The following HABP2 variants were observed in gnomAD, a reference collection of about 807,000 sequenced individuals.
HABP2 encodes factor VII-activating protease.
HABP2 carries 65 observed loss-of-function variants against 66.5 expected under a neutral mutation model. That is an observed-to-expected ratio of 0.98 (90% CI 0.80 to 1.20). The LOEUF is 1.20. HABP2 is among the 50% of genes most tolerant of loss of function. HABP2 has a pLI of 0.00. For synonymous variants in HABP2, 263 were observed against 253.9 expected, an observed-to-expected ratio of 1.04 and a Z score of -0.34; for missense variants, 786 against 691.0, an observed-to-expected ratio of 1.14 and a Z score of -1.54.
chr10:113,558,251 C>T (rs1845036327), intron 1 of HABP2, among the ~76,000 whole-genome samples: 1 of 152,256 alleles, frequency 6.6e-6, no homozygotes, highest in Non-Finnish European at 1.5e-5. Context: ...AAACTTCAGT[C>T]ATGAATGAAG....
chr10:113,574,215 T>A, intron 2 of HABP2, 74 bp from the exon 3 acceptor site: 1 of 772,022 alleles, frequency 1.3e-6, no homozygotes, highest in Non-Finnish European at 2.3e-6. Flanking sequence ...GGAAAAGGTG[T>A]CCAACTAAAT....
At position 113,577,273 on chromosome 10, in the gene HABP2, G is replaced by A. The variant is rs1308756862; in HGVS notation, c.448+7G>A. 7.0e-7 allele frequency: 1 copy of A among 1,434,760 alleles called. No homozygotes were observed. Among genetic ancestry groups the A allele is most frequent in the South Asian group, 1.1e-5 (1 of 87,560 alleles). The allele number at this position is 1,434,760 out of a possible 1,614,324, so 88.9% of individuals were successfully genotyped here. On this transcript the variant is annotated splice_region_variant and intron_variant, in intron 5 of 12. Coordinates refer to ENST00000351270, the MANE Select transcript of HABP2 (RefSeq NM_004132.5). The stretch of plus-strand genomic sequence containing the variant: ...GGTCCCAGCTGCTCCCAAGGTAAGT[G>A]GTGGAGGCCCCTTCGACGCTAGACT...
chr10:113,588,800 G>T lies in HABP2; in HGVS notation c.*431G>T. 1.6e-6 allele frequency: 1 copy of T among 615,048 alleles called. No individual in the cohort carries two copies. The allele number at this position is 615,048 out of a possible 1,614,324, so 38.1% of individuals were successfully genotyped here. On this transcript the variant is annotated 3_prime_UTR_variant, in exon 13 of 13. Coordinates refer to ENST00000351270, the MANE Select transcript of HABP2 (RefSeq NM_004132.5). ...ATCAGCCATCCACGTCTAGGTATCA[G>T]AGAGGACCACAAATACAACATTCTC...
chr10:113,567,215 C>T (rs955865782), intron 1 of HABP2, among the ~76,000 whole-genome samples: 18 of 152,268 alleles, frequency 1.2e-4, no homozygotes, highest in African/African-American at 4.1e-4. Flanking sequence ...CAGCCGTGTT[C>T]CAAAGCAAGG....
intron 2 of HABP2, among the ~76,000 whole-genome samples, chr10:113,571,967 A>G (rs11575731): frequency 0.018 from 2,667 of 152,350 alleles, 82 homozygotes; most frequent in African/African-American, 0.061. Context: ...GTTTAATCCT[A>G]GAAGTGGAGA....
At chr10:113,583,854 C>A (rs544014311) in intron 10 of HABP2, among the ~76,000 whole-genome samples, 4 of 152,318 alleles carry the variant, frequency 2.6e-5, no homozygotes, top group East Asian at 1.9e-4. Flanking sequence ...GACACCCCCC[C>A]ACCTCTCTCT....
At position 113,567,543 on chromosome 10, in the gene HABP2, C is replaced by T. The variant is rs1469582860; in HGVS notation, c.106+18C>T. 1.9e-6 allele frequency: 3 copies of T among 1,590,778 alleles called. No homozygotes were observed. The highest frequency in any genetic ancestry group is 1.3e-5 in the African/African-American group (1 of 74,608). ...GGACCCAGGTAAGTGTGCTGATCTCCCTGGGGCTTCCCACCAATCCCAGGC... is the reference window on the plus strand; with the variant it reads ...GGACCCAGGTAAGTGTGCTGATCTCTCTGGGGCTTCCCACCAATCCCAGGC... On this transcript the variant is annotated intron_variant, in intron 2 of 12. Transcript: ENST00000351270.
At chr10:113,569,125 G>A (rs1845255658) in intron 2 of HABP2, among the ~76,000 whole-genome samples, 1 of 152,214 alleles carries the variant, frequency 6.6e-6, no homozygotes, top group African/African-American at 2.4e-5. Flanking sequence ...GGGCCACTGG[G>A]CTCTCAGGAG....
At chr10:113,587,967 C>T (rs972523203) in intron 12 of HABP2, among the ~76,000 whole-genome samples, 5 of 151,826 alleles carry the variant, frequency 3.3e-5, no homozygotes, top group Non-Finnish European at 5.9e-5. Context: ...TGCAGCTGTG[C>T]GGCTCCTCTG....
intron 1 of HABP2, among the ~76,000 whole-genome samples, chr10:113,567,086 T>C (rs143757265): frequency 7.2e-5 from 11 of 152,288 alleles, no homozygotes; most frequent in Non-Finnish European, 1.2e-4. Context: ...TTCTCATCTG[T>C]AAACAAGGCT....
intron 10 of HABP2, among the ~76,000 whole-genome samples, chr10:113,583,824 T>C (rs932174972): frequency 4.6e-5 from 7 of 152,210 alleles, no homozygotes; most frequent in Non-Finnish European, 1.0e-4. Flanking sequence ...CAGTTCTGTA[T>C]CCCGTTTCCC....
chr10:113,585,581 T>C (rs1000905650), intron 11 of HABP2, among the ~76,000 whole-genome samples: 14 of 152,142 alleles, frequency 9.2e-5, no homozygotes, highest in African/African-American at 3.4e-4. Context: ...GAATATACTA[T>C]CTGGTCCATG....
Position 113,580,654 on chromosome 10 carries a change from A to G in HABP2, c.800A>G (p.Lys267Arg). The G allele has an allele frequency of 1.2e-5, 19 of 1,601,446 alleles. No homozygotes were observed. The highest frequency in any genetic ancestry group is 1.6e-5 in the Non-Finnish European group (19 of 1,168,448). The change falls in exon 8 of 13, where the codon AAA becomes AGA. Residue 267 changes from lysine (K) to arginine (R), a missense_variant. Coordinates refer to ENST00000351270, the MANE Select transcript of HABP2 (RefSeq NM_004132.5). ...CFIKVTNDKV[K>R]WEYCDVSACS... ...ATTAAAGTTACCAATGACAAGGTGA[A>G]ATGGGAATACTGTGATGTCTCAGCC...
rs770575545 is a variant in HABP2, at chr10:113,577,159, C to T, written c.341C>T (p.Thr114Met). The stretch of plus-strand genomic sequence containing the variant: ...TATGGATCTCCTACAGTGCAAAATA[C>T]GTGCAAGGACAACCCATGTGGCCGG... ...SGNKCQKVQNTCKDNPCGRGQ... is the reference protein window; with the variant it reads ...SGNKCQKVQNMCKDNPCGRGQ... The change falls in exon 5 of 13, where the codon ACG becomes ATG. Residue 114 changes from threonine to methionine, a missense_variant. Thr to Met is a moderately conservative substitution (Grantham distance 81). Coordinates refer to ENST00000351270, the MANE Select transcript of HABP2 (RefSeq NM_004132.5). 1.0e-5 allele frequency: 16 copies of T among 1,594,632 alleles called. No homozygotes were observed. Among genetic ancestry groups the T allele is most frequent in the Middle Eastern group, 1.7e-4 (1 of 6,032 alleles).
In HABP2 at chr10:113,580,679, C is replaced by T; in HGVS notation, c.825C>T (p.Ala275=). ...AATGGGAATACTGTGATGTCTCAGC[C>T]TGCTCAGCCCAGGGTAAAGGCCATG... ...KVKWEYCDVS[A]CSAQDVAYPE... is the part of the protein sequence containing the mutation. The change falls in exon 8 of 13, where the codon GCC becomes GCT. Residue 275 remains alanine, a synonymous_variant. Transcript: ENST00000351270. 1 of 1,568,194 alleles carries T rather than the reference C, an allele frequency of 6.4e-7. No individual in the cohort carries two copies. The highest frequency in any genetic ancestry group is 8.8e-7 in the Non-Finnish European group (1 of 1,138,096).
chr10:113,570,521 A>G (rs1008315393), intron 2 of HABP2, among the ~76,000 whole-genome samples: 11 of 152,306 alleles, frequency 7.2e-5, no homozygotes, highest in Middle Eastern at 3.4e-3. Flanking sequence ...CAAATAATCT[A>G]TGTTTAAACC....
Position 113,588,322 on chromosome 10 carries a change from T to G in HABP2, c.1636T>G (p.Phe546Val), listed in dbSNP as rs747873678. Residue 546 changes from phenylalanine to valine, a missense_variant, in exon 13 of 13, where the codon TTC becomes GTC. Coordinates refer to ENST00000351270, the MANE Select transcript of HABP2 (RefSeq NM_004132.5). ...RPGVYTQVTK[F>V]LNWIKATIKS... ...AGGGGTCTACACCCAAGTTACCAAA[T>G]TCCTGAATTGGATCAAAGCCACCAT... The G allele has an allele frequency of 1.9e-6, 3 of 1,613,754 alleles. No individual in the cohort carries two copies. In the South Asian group the frequency reaches 3.3e-5, roughly 18 times the overall value.
chr10:113,556,943 C>A (rs1189070396), intron 1 of HABP2, among the ~76,000 whole-genome samples: 1 of 151,800 alleles, frequency 6.6e-6, no homozygotes, highest in Non-Finnish European at 1.5e-5. Context: ...TCATGCCTGG[C>A]CCCCATACTA....
chr10:113,574,445 G>A (rs1845372362), intron 3 of HABP2, 40 bp downstream of exon 3: 2 of 1,003,978 alleles, frequency 2.0e-6, no homozygotes, highest in Non-Finnish European at 3.2e-6. Flanking sequence ...CCTGGGAGAA[G>A]GTCAGAGCGG....
Sources: gnomAD v4.1 joint callset for allele counts (sites outside exome capture counted in the v4.1 genomes callset) on GRCh38, gnomAD v4.1.1 for gene constraint, MANE v1.5 for transcripts, NCBI Gene and HGNC (gene_info 2026-07-23, HGNC 2026-07-21) for gene names.